Variants in MEGF10 observed in about 807,000 individuals in gnomAD.
MEGF10 encodes multiple EGF like domains 10, also known as multiple epidermal growth factor-like domains protein 10.
Under a neutral mutation model 147.5 loss-of-function variants are expected in MEGF10, and 86 were observed. That is an observed-to-expected ratio of 0.58 (90% CI 0.49 to 0.70). The LOEUF is 0.70. Among genes scored for constraint, MEGF10 ranks in the 30% least tolerant of loss-of-function variants. MEGF10 has a pLI of 0.00. For synonymous variants in MEGF10, 478 were observed against 525.5 expected, an observed-to-expected ratio of 0.91 and a Z score of 1.24; for missense variants, 1,329 against 1,487.3, an observed-to-expected ratio of 0.89 and a Z score of 1.75.
At position 127,457,472 on chromosome 5, in the gene MEGF10, C is replaced by A; in HGVS notation, c.*154C>A. ...AGAAAGCTGAAAGCTGAGGCTGACA[C>A]GGACTGTAGGTGCTTTTTGTTCAGG... On this transcript the variant is annotated 3_prime_UTR_variant, in exon 25 of 25. Coordinates refer to ENST00000503335, the MANE Select transcript of MEGF10 (RefSeq NM_001256545.2). The A allele has an allele frequency of 1.3e-6, 1 of 765,086 alleles. No individual in the cohort carries two copies. The highest frequency in any genetic ancestry group is 2.0e-6 in the Non-Finnish European group (1 of 489,538). 47.4% of individuals were successfully genotyped at this position (765,086 alleles called of 1,614,324 possible). A position where few individuals can be genotyped will look rare whatever the true frequency, so the allele number is the denominator to read the frequency against.
the MEGF10 span, among the ~76,000 whole-genome samples, chr5:127,250,864 CAAT>C: frequency 6.6e-6 from 1 of 151,298 alleles, no homozygotes; most frequent in Non-Finnish European, 1.5e-5. Flanking sequence ...TATATATTAT[CAAT>C]AATATACTAA....
chr5:127,268,634 C>T, the MEGF10 span, among the ~76,000 whole-genome samples: 7 of 152,240 alleles, frequency 4.6e-5, no homozygotes, highest in Non-Finnish European at 1.0e-4. Context: ...AGGAGGCCTG[C>T]CTGCCTCTGT....
chr5:127,424,703 G>C (rs1343160372), intron 13 of MEGF10: 1 of 333,044 alleles, frequency 3.0e-6, no homozygotes, highest in Non-Finnish European at 4.5e-6. Flanking sequence ...CCACAGACAC[G>C]AGGCCTCCCC....
At chr5:127,269,708 G>A in the MEGF10 span, among the ~76,000 whole-genome samples, 9 of 152,226 alleles carry the variant, frequency 5.9e-5, no homozygotes, top group African/African-American at 1.9e-4. Context: ...AGCAAGGCAG[G>A]CCAACATTCA....
chr5:127,246,761 AT>A, the MEGF10 span, among the ~76,000 whole-genome samples: 1 of 141,962 alleles, frequency 7.0e-6, no homozygotes, highest in Admixed American at 7.5e-5. Context: ...TTTACATAAA[AT>A]ATTTATAAAT....
chr5:127,445,302 G>A, intron 19 of MEGF10, 155 bp from the exon 20 acceptor site: 1 of 650,726 alleles, frequency 1.5e-6, no homozygotes, highest in East Asian at 2.6e-5. Flanking sequence ...TGACAATGAG[G>A]AATGTTTGCT....
chr5:127,309,393 T>G (rs935320268), intron 1 of MEGF10, among the ~76,000 whole-genome samples: 1 of 152,200 alleles, frequency 6.6e-6, no homozygotes, highest in Non-Finnish European at 1.5e-5. Flanking sequence ...TCTCCAGAAC[T>G]TTTTCATGAT....
chr5:127,309,596 A>G (rs12655913), intron 1 of MEGF10, among the ~76,000 whole-genome samples: 2,745 of 152,346 alleles, frequency 0.018, 73 homozygotes, highest in East Asian at 0.11. Context: ...CTCAAAGTCC[A>G]GCCAAGTTGT....
At chr5:127,303,323 G>A (rs796953957) in intron 1 of MEGF10, among the ~76,000 whole-genome samples, 4 of 138,356 alleles carry the variant, frequency 2.9e-5, no homozygotes, top group Admixed American at 1.5e-4. Flanking sequence ...ACAACAGATC[G>A]AGACTCCATG....
At chr5:127,250,902 A>G in the MEGF10 span, among the ~76,000 whole-genome samples, 1 of 151,984 alleles carries the variant, frequency 6.6e-6, no homozygotes, top group Non-Finnish European at 1.5e-5. Flanking sequence ...AAAAAAACCT[A>G]TTTACAATAA....
chr5:127,324,520 C>T (rs973026107), intron 1 of MEGF10, among the ~76,000 whole-genome samples: 4 of 152,058 alleles, frequency 2.6e-5, no homozygotes, highest in African/African-American at 9.7e-5. Flanking sequence ...CTGATTCTTT[C>T]TCTCATTGGT....
the MEGF10 span, among the ~76,000 whole-genome samples, chr5:127,258,873 T>G: frequency 6.6e-6 from 1 of 152,168 alleles, no homozygotes; most frequent in East Asian, 1.9e-4. Context: ...AAATTTCTGT[T>G]CACTACAAAC....
chr5:127,270,923 G>T, the MEGF10 span, among the ~76,000 whole-genome samples: 1 of 152,204 alleles, frequency 6.6e-6, no homozygotes. Context: ...TGGCTGTATA[G>T]TATTCCATGG....
intron 5 of MEGF10, among the ~76,000 whole-genome samples, chr5:127,370,410 G>T (rs1035593996): frequency 6.6e-6 from 1 of 152,044 alleles, no homozygotes; most frequent in African/African-American, 2.4e-5. Flanking sequence ...ACCACCTGTT[G>T]GTTTTTAACT....
intron 4 of MEGF10, among the ~76,000 whole-genome samples, chr5:127,357,660 A>AT (rs987156350): frequency 6.6e-6 from 1 of 151,676 alleles, no homozygotes; most frequent in African/African-American, 2.4e-5. Flanking sequence ...GAAAAAAAAA[A>AT]GTGACCCATC....
the MEGF10 span, among the ~76,000 whole-genome samples, chr5:127,268,038 C>T: frequency 6.6e-6 from 1 of 152,142 alleles, no homozygotes; most frequent in Admixed American, 6.5e-5. Context: ...ATCTTTCCTG[C>T]TTTCTCTTGT....
intron 13 of MEGF10, among the ~76,000 whole-genome samples, chr5:127,432,993 C>T (rs1765434142): frequency 6.7e-6 from 1 of 149,832 alleles, no homozygotes; most frequent in South Asian, 2.1e-4. Context: ...CTTTATTTCT[C>T]TGTGAAAACA....
the MEGF10 span, among the ~76,000 whole-genome samples, chr5:127,255,000 T>A: frequency 6.6e-6 from 1 of 151,548 alleles, no homozygotes; most frequent in South Asian, 2.1e-4. Flanking sequence ...CATTGAGAAC[T>A]CAGAGGCTAT....
rs1766406537 is a variant in MEGF10, at chr5:127,457,387, A to C, written c.*69A>C. ...TGCTGTTTGGTTCTTCTCCATCCTC[A>C]ATTTTGCCACTTTCATGTGAATGTT... On this transcript the variant is annotated 3_prime_UTR_variant, in exon 25 of 25. Coordinates refer to ENST00000503335, the MANE Select transcript of MEGF10 (RefSeq NM_001256545.2). The C allele has an allele frequency of 6.7e-7, 1 of 1,497,574 alleles. No homozygotes were observed. Among genetic ancestry groups the C allele is most frequent in the Non-Finnish European group, 8.9e-7 (1 of 1,123,768 alleles). The allele number at this position is 1,497,574 out of a possible 1,614,324, so 92.8% of individuals were successfully genotyped here. A position where few individuals can be genotyped will look rare whatever the true frequency, so the allele number is the denominator to read the frequency against.
Sources: gnomAD v4.1 joint callset for allele counts (sites outside exome capture counted in the v4.1 genomes callset) on GRCh38, gnomAD v4.1.1 for gene constraint, MANE v1.5 for transcripts, NCBI Gene and HGNC (gene_info 2026-07-23, HGNC 2026-07-21) for gene names.